The following ZNF804B variants were observed in gnomAD, a reference collection of about 807,000 sequenced individuals.
ZNF804B encodes the protein zinc finger 804B.
ZNF804B carries 80 observed loss-of-function variants against 101.4 expected under a neutral mutation model. The observed-to-expected ratio is 0.79, with a 90% CI of 0.66 to 0.95. The LOEUF is 0.95. Ranked by LOEUF, ZNF804B falls within the 40% of genes least tolerant of loss-of-function variation. The pLI, the probability that ZNF804B is intolerant of heterozygous loss-of-function variation, is 0.00. For synonymous variants in ZNF804B, 622 were observed against 558.8 expected (o/e 1.11, Z -1.59); for missense variants, 1,673 against 1,561.9 (o/e 1.07, Z -1.20).
At chr7:89,173,498 T>A (rs1354463867) in intron 1 of ZNF804B, among the ~76,000 whole-genome samples, 3 of 152,110 alleles carry the variant, frequency 2.0e-5, no homozygotes. Context: ...TATTGCAGTT[T>A]TGTTCAATTT....
chr7:88,921,940 T>C (rs1165938058), intron 1 of ZNF804B, among the ~76,000 whole-genome samples: 6 of 152,078 alleles, frequency 3.9e-5, no homozygotes, highest in African/African-American at 1.4e-4. Context: ...AATTTAAAGT[T>C]TGAAAATGTA....
rs1333139688 is a variant in ZNF804B at position 88,870,756 on chromosome 7, C to G, written c.108+110672C>G. ...AAGTGCTTGAGTCATTTTTATGACC[C>G]CTGATCAAAACAGTTACACATTGCA... On this transcript the variant is annotated intron_variant, in intron 1 of 3. Coordinates refer to ENST00000333190, the MANE Select transcript of ZNF804B (RefSeq NM_181646.5). Among the ~76,000 whole-genome samples the G allele has an allele frequency of 2.0e-5, 3 of 151,888 alleles. No individual in the cohort carries two copies. The East Asian group carries it at 5.8e-4, about 29-fold the overall frequency.
At chr7:89,192,315 C>A (rs901693291) in intron 1 of ZNF804B, among the ~76,000 whole-genome samples, 1 of 151,896 alleles carries the variant, frequency 6.6e-6, no homozygotes, top group Admixed American at 6.6e-5. Context: ...CCTTCCACCC[C>A]TCCCTGAGTT....
intron 1 of ZNF804B, among the ~76,000 whole-genome samples, chr7:89,132,125 C>T (rs532827555): frequency 8.0e-5 from 12 of 150,420 alleles, no homozygotes; most frequent in African/African-American, 2.9e-4. Context: ...GCTGAAAGGC[C>T]TGTAGGGAAA....
chr7:89,068,771 A>G (rs1789492934), intron 1 of ZNF804B, among the ~76,000 whole-genome samples: 1 of 152,238 alleles, frequency 6.6e-6, no homozygotes, highest in South Asian at 2.1e-4. Flanking sequence ...AAGTTATCAG[A>G]ATGTGTAATT....
intron 3 of ZNF804B, among the ~76,000 whole-genome samples, chr7:89,328,903 A>G (rs560073971): frequency 6.6e-6 from 1 of 151,912 alleles, no homozygotes. Context: ...CCTCTGGAGT[A>G]AATAACAAAG....
intron 1 of ZNF804B, among the ~76,000 whole-genome samples, chr7:88,845,299 G>GCACACACACACACA (rs369657042): frequency 3.6e-4 from 50 of 138,506 alleles, no homozygotes; most frequent in African/African-American, 9.2e-4. Flanking sequence ...GCGCACGCGC[G>GCACACACACACACA]CGCACACACA....
At chr7:89,184,572 GTGCATATGT>G (rs1267216971) in intron 1 of ZNF804B, among the ~76,000 whole-genome samples, 1 of 152,036 alleles carries the variant, frequency 6.6e-6, no homozygotes, top group Admixed American at 6.6e-5. Context: ...TAATAATTTA[GTGCATATGT>G]TTCTCTTTTA....
At chr7:89,015,668 A>T (rs1289770946) in intron 1 of ZNF804B, among the ~76,000 whole-genome samples, 4 of 152,162 alleles carry the variant, frequency 2.6e-5, no homozygotes, top group Non-Finnish European at 4.4e-5. Context: ...ACATGAACTC[A>T]TCATTTTTTA....
chr7:89,228,082 C>G (rs531536570), intron 2 of ZNF804B, among the ~76,000 whole-genome samples: 1 of 152,234 alleles, frequency 6.6e-6, no homozygotes, highest in Non-Finnish European at 1.5e-5. Context: ...AGTGTTACAG[C>G]TCTTAAGGTG....
At chr7:88,843,163 T>G (rs1222145200) in intron 1 of ZNF804B, among the ~76,000 whole-genome samples, 1 of 152,178 alleles carries the variant, frequency 6.6e-6, no homozygotes, top group East Asian at 1.9e-4. Flanking sequence ...GAAATTGTAT[T>G]ATTGGTGTTT....
intron 1 of ZNF804B, among the ~76,000 whole-genome samples, chr7:89,076,892 G>A (rs1789622165): frequency 6.6e-6 from 1 of 152,156 alleles, no homozygotes; most frequent in African/African-American, 2.4e-5. Context: ...AAGCACTGCT[G>A]GGGGAATGAA....
chr7:89,116,250 G>T (rs1790311220), intron 1 of ZNF804B, among the ~76,000 whole-genome samples: 1 of 152,120 alleles, frequency 6.6e-6, no homozygotes, highest in East Asian at 1.9e-4. Context: ...AGAAAGTAAA[G>T]ACCGTGATTC....
At position 89,298,216 on chromosome 7, in the gene ZNF804B, G is replaced by GTATATATATATA. The variant is rs1171165341; in HGVS notation, c.250-29097_250-29086dup. ...ATATCTATATAGTGTGTGTGTGTGT[G>GTATATATATATA]TATATATATATATATATATATATAT... On this transcript the variant is annotated intron_variant, in intron 2 of 3. Transcript: ENST00000333190. Among the ~76,000 whole-genome samples, 78 of 27,506 alleles carry GTATATATATATA rather than the reference G, an allele frequency of 2.8e-3. 2 individuals carry two copies. The highest frequency in any genetic ancestry group is 0.045 in the Middle Eastern group (1 of 22). 18.0% of individuals were successfully genotyped at this position (27,506 alleles called of 152,430 possible). A position where few individuals can be genotyped will look rare whatever the true frequency, so the allele number is the denominator to read the frequency against.
Position 88,863,937 on chromosome 7 carries a change from T to C in ZNF804B, c.108+103853T>C, listed in dbSNP as rs560269235. On this transcript the variant is annotated intron_variant, in intron 1 of 3. Coordinates refer to ENST00000333190, the MANE Select transcript of ZNF804B (RefSeq NM_181646.5). ...TCTGTAGGGTGGGGCTCTGTCTCCT[T>C]TATGTCTGAAGTTTATTGTACAAAA... Among the ~76,000 whole-genome samples, 12 of 152,302 alleles carry C rather than the reference T, an allele frequency of 7.9e-5. No homozygotes were observed. The East Asian group carries it at 1.7e-3, about 22-fold the overall frequency.
chr7:88,995,636 A>G (rs1453481013), intron 1 of ZNF804B, among the ~76,000 whole-genome samples: 1 of 152,016 alleles, frequency 6.6e-6, no homozygotes, highest in African/African-American at 2.4e-5. Context: ...GTTATAGAAC[A>G]TAACTCCTCA....
At chr7:88,907,906 A>AT (rs1420639395) in intron 1 of ZNF804B, among the ~76,000 whole-genome samples, 7 of 152,042 alleles carry the variant, frequency 4.6e-5, no homozygotes, top group Non-Finnish European at 1.0e-4. Context: ...TTTAACTTTA[A>AT]TTTTTTAAAA....
intron 1 of ZNF804B, among the ~76,000 whole-genome samples, chr7:88,831,355 A>G (rs190567486): frequency 3.7e-4 from 56 of 152,056 alleles, no homozygotes; most frequent in South Asian, 1.4e-3. Context: ...AAGAGCTATA[A>G]TGTATTCTAT....
At chr7:89,072,574 T>G (rs941735555) in intron 1 of ZNF804B, among the ~76,000 whole-genome samples, 1 of 152,144 alleles carries the variant, frequency 6.6e-6, no homozygotes, top group African/African-American at 2.4e-5. Flanking sequence ...ATGTACTCTC[T>G]TTTGGAGTAT....
Sources: gnomAD v4.1 joint callset for allele counts (sites outside exome capture counted in the v4.1 genomes callset) on GRCh38, gnomAD v4.1.1 for gene constraint, MANE v1.5 for transcripts, NCBI Gene and HGNC (gene_info 2026-07-23, HGNC 2026-07-21) for gene names.